Variants in ARID2 observed in about 807,000 individuals in gnomAD.
ARID2 encodes AT-rich interaction domain 2, also known as AT-rich interactive domain-containing protein 2.
Under a neutral mutation model 184.6 loss-of-function variants are expected in ARID2, and 32 were observed. The observed-to-expected ratio is 0.17, with a 90% CI of 0.13 to 0.23. The LOEUF (loss-of-function observed/expected upper bound fraction) is 0.23. ARID2 is among the 10% of genes least tolerant of loss of function. The pLI, the probability that ARID2 is intolerant of heterozygous loss-of-function variation, is 1.00. For synonymous variants in ARID2, 836 were observed against 772.6 expected, an observed-to-expected ratio of 1.08 and a Z score of -1.36; for missense variants, 1,696 against 2,197.6, an observed-to-expected ratio of 0.77 and a Z score of 4.56.
chr12:45,762,574 T>C (rs144556834), intron 3 of ARID2, among the ~76,000 whole-genome samples: 3 of 152,360 alleles, frequency 2.0e-5, no homozygotes, highest in East Asian at 3.9e-4. Context: ...TCATGTGCTC[T>C]GTGCATCCCT....
At chr12:45,900,418 T>G (rs1944442949) in intron 20 of ARID2, among the ~76,000 whole-genome samples, 1 of 152,178 alleles carries the variant, frequency 6.6e-6, no homozygotes, top group Non-Finnish European at 1.5e-5. Context: ...TTGCTTGGCT[T>G]TTTACGGGCC....
intron 20 of ARID2, among the ~76,000 whole-genome samples, chr12:45,902,542 T>TG (rs1944473028): frequency 6.6e-6 from 1 of 151,828 alleles, no homozygotes; most frequent in African/African-American, 2.4e-5. Flanking sequence ...TAAATTTTTT[T>TG]TTTTTTTGAG....
intron 3 of ARID2, among the ~76,000 whole-genome samples, chr12:45,738,522 C>G (rs1941175774): frequency 6.6e-6 from 1 of 152,112 alleles, no homozygotes; most frequent in Non-Finnish European, 1.5e-5. Flanking sequence ...GTTGGCCAAG[C>G]TGGTCTACAA....
rs1161161116 is a variant in ARID2, at chr12:45,850,836, C to T, written c.2713C>T (p.Gln905Ter). The T allele has an allele frequency of 6.2e-7, 1 of 1,614,138 alleles. No individual in the cohort carries two copies. The highest frequency in any genetic ancestry group is 8.5e-7 in the Non-Finnish European group (1 of 1,180,018). Reference sequence around the variant, plus strand: ...TGCACCAAAACCTCTCCCTTCTCAGCAAGTTTCATCTACAGTGGTACAGCA... The same window carrying T: ...TGCACCAAAACCTCTCCCTTCTCAGTAAGTTTCATCTACAGTGGTACAGCA... Reference protein sequence around the residue: ...NIAPKPLPSQQVSSTVVQQPI... With the variant: ...NIAPKPLPSQ Residue 905 changes from glutamine to a stop codon, truncating the protein, a stop_gained, in exon 15 of 21, where the codon CAA becomes TAA. Transcript: ENST00000334344. LOFTEE classifies it high-confidence loss of function.
intron 3 of ARID2, among the ~76,000 whole-genome samples, chr12:45,808,784 C>T (rs527883872): frequency 1.9e-4 from 29 of 151,398 alleles, no homozygotes; most frequent in African/African-American, 6.3e-4. Context: ...TGTGTTGAGA[C>T]GAAGTTTTGC....
intron 15 of ARID2, among the ~76,000 whole-genome samples, chr12:45,856,351 G>A (rs1272678546): frequency 1.3e-5 from 2 of 152,172 alleles, no homozygotes; most frequent in Admixed American, 1.3e-4. Context: ...ACAGGCGTAA[G>A]CCACCATGCC....
At chr12:45,826,777 A>G (rs1943010646) in intron 6 of ARID2, among the ~76,000 whole-genome samples, 1 of 152,156 alleles carries the variant, frequency 6.6e-6, no homozygotes, top group Admixed American at 6.6e-5. Context: ...CAAAGGGCAG[A>G]TATTAAAACC....
chr12:45,782,457 A>G (rs1350288870), intron 3 of ARID2, among the ~76,000 whole-genome samples: 1 of 151,792 alleles, frequency 6.6e-6, no homozygotes, highest in Non-Finnish European at 1.5e-5. Context: ...CATGGTGAAA[A>G]CCCGTCTCTA....
Position 45,729,948 on chromosome 12 carries a change from G to C in ARID2, c.92+20G>C, listed in dbSNP as rs1206788961. ...CAGAGGGTGAGAGCAGAACCGGGGG[G>C]GCAGCGCCGGGGCGAGCCGGGGCGA... On this transcript the variant is annotated intron_variant, in intron 1 of 20. Transcript: ENST00000334344. 3 of 1,604,224 alleles carry C rather than the reference G, an allele frequency of 1.9e-6. No homozygotes were observed. The highest frequency in any genetic ancestry group is 2.6e-6 in the Non-Finnish European group (3 of 1,175,250).
chr12:45,831,147 T>G (rs1485532454), intron 6 of ARID2, among the ~76,000 whole-genome samples: 1 of 152,172 alleles, frequency 6.6e-6, no homozygotes, highest in Non-Finnish European at 1.5e-5. Context: ...TTTTCATATA[T>G]CTTTCTATTG....
At chr12:45,813,906 A>G (rs1170704481) in intron 4 of ARID2, among the ~76,000 whole-genome samples, 1 of 152,138 alleles carries the variant, frequency 6.6e-6, no homozygotes, top group Non-Finnish European at 1.5e-5. Flanking sequence ...TTGACATTAC[A>G]TACCTAATAC....
chr12:45,734,144 G>A (rs1180073974), intron 3 of ARID2, among the ~76,000 whole-genome samples: 2 of 152,296 alleles, frequency 1.3e-5, no homozygotes, highest in East Asian at 1.9e-4. Flanking sequence ...CGAGGCAGAC[G>A]GATTACCTGA....
At chr12:45,796,500 A>G (rs535343059) in intron 3 of ARID2, among the ~76,000 whole-genome samples, 3 of 150,728 alleles carry the variant, frequency 2.0e-5, no homozygotes, top group Non-Finnish European at 4.4e-5. Context: ...TGTGAATAAC[A>G]TGTTTATTTT....
chr12:45,749,778 C>T (rs561247809), intron 3 of ARID2, among the ~76,000 whole-genome samples: 44 of 152,310 alleles, frequency 2.9e-4, no homozygotes, highest in African/African-American at 9.9e-4. Flanking sequence ...ACCTCACAAA[C>T]CAACAACCTT....
rs747985086 is a variant in ARID2 at position 45,893,469 on chromosome 12, A to G, written c.5197A>G (p.Ile1733Val). ...CTCAACTCCTAGAGCACAAAAGGCC[A>G]TTGTGAATCATCCCAGTGCTGCACT... Reference protein sequence around the residue: ...TSSTPRAQKAIVNHPSAALMA... With the variant: ...TSSTPRAQKAVVNHPSAALMA... Residue 1733 changes from isoleucine (I) to valine (V), a missense_variant, in exon 19 of 21, where the codon ATT becomes GTT. Around this residue, in one of 11 missense-constraint regions of ARID2, gnomAD observed 58 missense variants for 47.1 expected, o/e 1.23. Transcript: ENST00000334344. The G allele has an allele frequency of 3.1e-6, 5 of 1,614,082 alleles. No homozygotes were observed. The highest frequency in any genetic ancestry group is 2.5e-6 in the Non-Finnish European group (3 of 1,179,966).
chr12:45,897,125 C>T (rs1189733882), intron 20 of ARID2, among the ~76,000 whole-genome samples: 1 of 152,160 alleles, frequency 6.6e-6, no homozygotes, highest in East Asian at 1.9e-4. Flanking sequence ...AAAGTAAGTC[C>T]TCACATATTT....
At chr12:45,730,201 C>A in intron 2 of ARID2, 64 bp downstream of exon 2, 1 of 1,549,712 alleles carries the variant, frequency 6.5e-7, no homozygotes, top group Non-Finnish European at 8.8e-7. Context: ...CTCCTTTGAC[C>A]CCGGAGTGGG....
At chr12:45,899,839 C>T (rs1426793964) in intron 20 of ARID2, among the ~76,000 whole-genome samples, 1 of 150,324 alleles carries the variant, frequency 6.7e-6, no homozygotes, top group Non-Finnish European at 1.5e-5. Context: ...CAATTGCTTT[C>T]ATATTTCAAA....
intron 3 of ARID2, among the ~76,000 whole-genome samples, chr12:45,781,078 A>G (rs1363658846): frequency 6.6e-6 from 1 of 152,074 alleles, no homozygotes; most frequent in South Asian, 2.1e-4. Flanking sequence ...GCTGAAAGAA[A>G]TCATACTACT....
Sources: gnomAD v4.1 joint callset for allele counts (sites outside exome capture counted in the v4.1 genomes callset) on GRCh38, gnomAD v4.1.1 for gene constraint, gnomAD v4.1.1 regional missense constraint, MANE v1.5 for transcripts, NCBI Gene and HGNC (gene_info 2026-07-23, HGNC 2026-07-21) for gene names.